Variants in IL4I1 observed in about 807,000 individuals in gnomAD.
The protein encoded by IL4I1 is interleukin 4 induced 1.
In IL4I1, 24 loss-of-function variants were observed where a neutral mutation model predicts 29.7. The ratio of observed to expected loss-of-function variants is 0.81; its 90% confidence interval spans 0.59 to 1.14. The LOEUF (loss-of-function observed/expected upper bound fraction) is 1.14, where lower values mean the gene tolerates loss of function less well. IL4I1 is among the 50% of genes most tolerant of loss of function. The pLI, the probability that IL4I1 is intolerant of heterozygous loss-of-function variation, is 0.00. For synonymous variants in IL4I1, 371 were observed against 352.5 expected (o/e 1.05, Z -0.59); for missense variants, 686 against 785.6 (o/e 0.87, Z 1.52).
chr19:49,927,663 G>C (rs2075935586), intron 2 of IL4I1: 2 of 152,176 alleles, frequency 1.3e-5, no homozygotes, highest in African/African-American at 4.8e-5. Flanking sequence ...GCCCGCAACA[G>C]GTAAGGAAGG....
chr19:49,896,830 ACTACCTCCAGCT>A lies in IL4I1; in HGVS notation c.-30_-23+4del, dbSNP rs976138020. 78 of 986,122 alleles carry A rather than the reference ACTACCTCCAGCT, an allele frequency of 7.9e-5. No homozygotes were observed. In the African/African-American group the frequency reaches 1.3e-3, roughly 17 times the overall value. The allele number at this position is 986,122 out of a possible 1,614,324, so 61.1% of individuals were successfully genotyped here. ...CTGTCCCCCCACCACTGGCCGTGTC[ACTACCTCCAGCT>A]CTTGGTGACAGCAGGACAGCGCGGT... On this transcript the variant is annotated splice_donor_variant and splice_donor_region_variant and 5_prime_UTR_variant and intron_variant, in exon 1 of 8. Coordinates refer to ENST00000391826, the MANE Select transcript of IL4I1 (RefSeq NM_152899.2). LOFTEE classifies it low-confidence loss of function (5UTR_SPLICE).
At chr19:49,911,822 G>T (rs1318366099) in intron 2 of IL4I1, among the ~76,000 whole-genome samples, 1 of 152,230 alleles carries the variant, frequency 6.6e-6, no homozygotes, top group Non-Finnish European at 1.5e-5. Context: ...TTTCCTGGGG[G>T]ATTCTGAGAA....
rs750766145 is a variant in IL4I1 at position 49,908,422 on chromosome 19, C to T, written c.-227-4101G>A. 24 of 1,613,998 alleles carry T rather than the reference C, an allele frequency of 1.5e-5. No homozygotes were observed. Among genetic ancestry groups the T allele is most frequent in the Admixed American group, 8.3e-5 (5 of 60,006 alleles). On this transcript the variant is annotated intron_variant, in intron 2 of 9. Coordinates refer to the IL4I1 transcript ENST00000341114. Reference sequence around the variant, plus strand: ...GTGGGTCACTGGTGTCGGCGGGGGCCCCGGACGTGTTCAGGTGCTCGATGA... The same window carrying T: ...GTGGGTCACTGGTGTCGGCGGGGGCTCCGGACGTGTTCAGGTGCTCGATGA...
chr19:49,912,464 C>T (rs746670077), intron 2 of IL4I1, among the ~76,000 whole-genome samples: 6 of 152,156 alleles, frequency 3.9e-5, no homozygotes, highest in South Asian at 2.1e-4. Flanking sequence ...CCACTGCGCC[C>T]GGCCAACAGT....
At chr19:49,909,125 G>A in intron 2 of IL4I1, 2 of 1,612,346 alleles carry the variant, frequency 1.2e-6, no homozygotes, top group African/African-American at 2.7e-5. Context: ...TGAGGTTGGA[G>A]CAGTTGCTAT....
intron 2 of IL4I1, chr19:49,907,955 CTGAGCCAGGA>C: frequency 1.8e-6 from 1 of 558,992 alleles, no homozygotes; most frequent in Non-Finnish European, 3.1e-6. Flanking sequence ...CATCACCAGG[CTGAGCCAGGA>C]TGAGGTGGGT....
intron 2 of IL4I1, among the ~76,000 whole-genome samples, chr19:49,924,983 C>T (rs1293043607): frequency 6.6e-6 from 1 of 152,210 alleles, no homozygotes; most frequent in East Asian, 1.9e-4. Flanking sequence ...CACACCGGGC[C>T]AGGCGCGGTG....
In IL4I1 at chr19:49,890,617, G is replaced by A. The variant is rs2075121373; in HGVS notation, c.774-17C>T. The A allele has an allele frequency of 1.3e-6, 2 of 1,492,734 alleles. No homozygotes were observed. The highest frequency in any genetic ancestry group is 1.8e-6 in the Non-Finnish European group (2 of 1,122,624). 92.5% of individuals were successfully genotyped at this position (1,492,734 alleles called of 1,614,324 possible). A position where few individuals can be genotyped will look rare whatever the true frequency, so the allele number is the denominator to read the frequency against. On this transcript the variant is annotated splice_polypyrimidine_tract_variant and intron_variant, in intron 7 of 7. Transcript: ENST00000391826. ...CGGCTGTACCTGCAGGCGGGGCGGG[G>A]CGGGGTGGGGGCGTGACCTGGGCTC...
intron 2 of IL4I1, among the ~76,000 whole-genome samples, chr19:49,904,990 A>G (rs1287010604): frequency 7.2e-5 from 11 of 152,232 alleles, no homozygotes; most frequent in Admixed American, 3.3e-4. Context: ...GATTACAGGC[A>G]TGAGCCACCG....
In IL4I1 at chr19:49,908,815, C is replaced by T. The variant is rs748062401; in HGVS notation, c.-227-4494G>A. The T allele has an allele frequency of 8.1e-6, 13 of 1,613,418 alleles. No individual in the cohort carries two copies. Among genetic ancestry groups the T allele is most frequent in the South Asian group, 4.4e-5 (4 of 91,096 alleles). On this transcript the variant is annotated intron_variant, in intron 2 of 9. Coordinates refer to the IL4I1 transcript ENST00000341114. The stretch of plus-strand genomic sequence containing the variant: ...ATTTGTTGATCAGGCTCTCCAGCTG[C>T]GCGTAGGTCATGGCGGAGCTGGCAG...
At chr19:49,890,928 T>TGGCC in intron 7 of IL4I1, 43 bp downstream of exon 7, 2 of 633,210 alleles carry the variant, frequency 3.2e-6, no homozygotes, top group Non-Finnish European at 4.9e-6. Flanking sequence ...TTTCCCTGAT[T>TGGCC]GCCCCCCGCC....
chr19:49,896,261 C>T, intron 1 of IL4I1, 79 bp from the exon 2 acceptor site: 1 of 1,443,110 alleles, frequency 6.9e-7, no homozygotes, highest in Non-Finnish European at 9.2e-7. Context: ...CCATGGGCTG[C>T]CCAGCTGCTA....
chr19:49,893,998 A>AG (rs1467959230), intron 5 of IL4I1, among the ~76,000 whole-genome samples: 1 of 151,226 alleles, frequency 6.6e-6, no homozygotes. Context: ...AAAAAAAAAA[A>AG]AAAAAAAAAA....
chr19:49,898,414 G>A (rs918426126), upstream of IL4I1, among the ~76,000 whole-genome samples: 2 of 152,212 alleles, frequency 1.3e-5, no homozygotes, highest in African/African-American at 4.8e-5. Context: ...CGAGGTGGGA[G>A]GATTGCTTGA....
intron 5 of IL4I1, among the ~76,000 whole-genome samples, chr19:49,892,746 T>C (rs2075155803): frequency 6.6e-6 from 1 of 152,142 alleles, no homozygotes; most frequent in Admixed American, 6.6e-5. Context: ...CACTCACTCA[T>C]GCATCTCGCA....
chr19:49,897,790 G>C (rs1441652543), upstream of IL4I1, among the ~76,000 whole-genome samples: 1 of 151,776 alleles, frequency 6.6e-6, no homozygotes, highest in Non-Finnish European at 1.5e-5. Flanking sequence ...TCCGTGAGGA[G>C]GAAAACCAGA....
At position 49,890,928 on chromosome 19, in the gene IL4I1, T is replaced by TTCCCCCCCCCCCC; in HGVS notation, c.773+42_773+43insGGGGGGGGGGGGA. The TTCCCCCCCCCCCC allele has an allele frequency of 7.9e-6, 5 of 633,204 alleles. No individual in the cohort carries two copies. In the South Asian group the frequency reaches 9.6e-5, roughly 12 times the overall value. 39.2% of individuals were successfully genotyped at this position (633,204 alleles called of 1,614,324 possible). On this transcript the variant is annotated intron_variant, in intron 7 of 7. Coordinates refer to ENST00000391826, the MANE Select transcript of IL4I1 (RefSeq NM_152899.2). ...CCCACTCCCTGCTACTTTCCCTGATTGCCCCCCGCCCCCCCCCCCTGCCCG... is the reference window on the plus strand; with the variant it reads ...CCCACTCCCTGCTACTTTCCCTGATTTCCCCCCCCCCCCGCCCCCCGCCCCCCCCCCCTGCCCG...
chr19:49,906,356 G>C (rs1269476828), intron 2 of IL4I1, among the ~76,000 whole-genome samples: 1 of 152,088 alleles, frequency 6.6e-6, no homozygotes, highest in East Asian at 1.9e-4. Flanking sequence ...CCACAGTTGC[G>C]TGCCACCACG....
At chr19:49,914,679 C>A (rs10402608) in intron 2 of IL4I1, among the ~76,000 whole-genome samples, 1 of 146,132 alleles carries the variant, frequency 6.8e-6, no homozygotes, top group Non-Finnish European at 1.5e-5. Context: ...TCGGTCAGCT[C>A]TACTACCTTA....
Sources: allele counts gnomAD v4.1 joint callset (sites outside exome capture counted in the v4.1 genomes callset), GRCh38; gene constraint gnomAD v4.1.1; transcripts MANE v1.5; gene names NCBI Gene and HGNC (gene_info 2026-07-23, HGNC 2026-07-21).